HECTD4: variants seen among roughly 807,000 people sequenced by gnomAD.
HECTD4 encodes the protein probable E3 ubiquitin-protein ligase HECTD4.
Under a neutral mutation model 471.5 loss-of-function variants are expected in HECTD4, and 114 were observed. That is an observed-to-expected ratio of 0.24 (90% confidence interval 0.21 to 0.28). The LOEUF (loss-of-function observed/expected upper bound fraction) is 0.28, where lower values mean the gene tolerates loss of function less well. Among genes scored for constraint, HECTD4 ranks in the 10% least tolerant of loss-of-function variants. The pLI is 1.00. For missense variants in HECTD4, 3,866 were observed against 5,651.5 expected (o/e 0.68, Z 10.13); for synonymous variants, 2,012 against 2,256.0 (o/e 0.89, Z 3.07).
At chr12:112,378,585 C>T (rs1400522849) in intron 1 of HECTD4, among the ~76,000 whole-genome samples, 3 of 152,120 alleles carry the variant, frequency 2.0e-5, no homozygotes, top group Non-Finnish European at 4.4e-5. Context: ...AATTAGTCAA[C>T]TTGAGTCCCG....
intron 66 of HECTD4, among the ~76,000 whole-genome samples, chr12:112,175,316 A>C (rs2031397384): frequency 6.6e-6 from 1 of 152,224 alleles, no homozygotes. Flanking sequence ...GGAGATTAGG[A>C]CACAGGTAGG....
chr12:112,337,049 G>A (rs921994359), intron 1 of HECTD4, among the ~76,000 whole-genome samples: 4 of 152,142 alleles, frequency 2.6e-5, no homozygotes, highest in African/African-American at 4.8e-5. Context: ...AATCAGCAGC[G>A]TTTTAAAACA....
intron 62 of HECTD4, among the ~76,000 whole-genome samples, chr12:112,181,604 A>G (rs1298393153): frequency 2.0e-5 from 3 of 152,188 alleles, no homozygotes; most frequent in African/African-American, 7.2e-5. Flanking sequence ...CTGGGACTAC[A>G]GGCATACGCC....
intron 55 of HECTD4, among the ~76,000 whole-genome samples, chr12:112,195,306 C>T (rs867746186): frequency 1.3e-5 from 2 of 152,036 alleles, no homozygotes; most frequent in African/African-American, 2.4e-5. Context: ...AATACATGTC[C>T]GCACAAAAAT....
chr12:112,210,398 G>C, intron 49 of HECTD4, 146 bp from the exon 50 acceptor site: 1 of 786,880 alleles, frequency 1.3e-6, no homozygotes, highest in Non-Finnish European at 2.1e-6. Context: ...GGGGCTGGAG[G>C]GACTGAGCAC....
Position 112,192,887 on chromosome 12 carries a change from C to A in HECTD4, c.9087-122G>T, listed in dbSNP as rs188352267. 19 of 1,206,088 alleles carry A rather than the reference C, an allele frequency of 1.6e-5. No individual in the cohort carries two copies. The East Asian group carries it at 4.3e-4, about 27-fold the overall frequency. The allele number at this position is 1,206,088 out of a possible 1,614,324, so 74.7% of individuals were successfully genotyped here. On this transcript the variant is annotated intron_variant, in intron 58 of 75. Transcript: ENST00000682272. Reference sequence around the variant, plus strand: ...CTGGGCCCAAGTCATTTCCACCACACTTTGGAAGGTCATTCTTTATAGACT... The same window carrying A: ...CTGGGCCCAAGTCATTTCCACCACAATTTGGAAGGTCATTCTTTATAGACT...
chr12:112,298,912 G>A (rs1368458515), intron 7 of HECTD4, among the ~76,000 whole-genome samples: 3 of 151,576 alleles, frequency 2.0e-5, no homozygotes, highest in Non-Finnish European at 4.4e-5. Context: ...AAGTGCTGGG[G>A]TTACAGGCAT....
rs779694322 is a variant in HECTD4 at position 112,270,308 on chromosome 12, A to C, written c.2094T>G (p.Leu698=). 1.9e-6 allele frequency: 3 copies of C among 1,613,966 alleles called. No homozygotes were observed. Among genetic ancestry groups the C allele is most frequent in the South Asian group, 1.1e-5 (1 of 91,090 alleles). Residue 698 remains leucine, a synonymous_variant, in exon 12 of 76, where the codon CTT becomes CTG. Coordinates refer to ENST00000682272, the MANE Select transcript of HECTD4 (RefSeq NM_001388303.1). ...TCTCCATAATGTCACAAATACTGCTAAGATGATGTGCTTCAATTGGATGCT... is the reference window on the plus strand; with the variant it reads ...TCTCCATAATGTCACAAATACTGCTCAGATGATGTGCTTCAATTGGATGCT... The part of the protein sequence containing the change: ...GKQHPIEAHH[L]SSICDIMEKA...
chr12:112,164,058 C>A, intron 73 of HECTD4, 51 bp downstream of exon 73: 1 of 1,378,576 alleles, frequency 7.3e-7, no homozygotes, highest in Non-Finnish European at 9.4e-7. Context: ...CATACCCTGG[C>A]TGGCTGGCCG....
Position 112,204,553 on chromosome 12 carries a change from A to C in HECTD4, c.8202T>G (p.Leu2734=). 1 of 1,613,540 alleles carries C rather than the reference A, an allele frequency of 6.2e-7. No individual in the cohort carries two copies. The highest frequency in any genetic ancestry group is 1.1e-5 in the South Asian group (1 of 91,058). The change falls in exon 53 of 76, where the codon CTT becomes CTG. Residue 2734 remains leucine (L), a synonymous_variant. Coordinates refer to ENST00000682272, the MANE Select transcript of HECTD4 (RefSeq NM_001388303.1). ...TAATGTCTTCAATGGTGGGAAGATA[A>C]AGGTCTCTTGGGATGCCACCATTCT... The part of the protein sequence containing the change: ...YEENGGIPRD[L]YLPTIEDIKD...
intron 6 of HECTD4, among the ~76,000 whole-genome samples, chr12:112,307,443 C>T (rs1461211751): frequency 6.6e-6 from 1 of 152,176 alleles, no homozygotes; most frequent in Non-Finnish European, 1.5e-5. Flanking sequence ...GTTTCTGCAA[C>T]AACACTGAGG....
At chr12:112,282,150 A>G (rs934626274) in intron 8 of HECTD4, among the ~76,000 whole-genome samples, 1 of 152,126 alleles carries the variant, frequency 6.6e-6, no homozygotes, top group Non-Finnish European at 1.5e-5. Flanking sequence ...TTGGGAGGCC[A>G]AGGTGGGCGG....
At chr12:112,323,969 C>T (rs78997096) in intron 1 of HECTD4, among the ~76,000 whole-genome samples, 1,723 of 23,908 alleles carry the variant, frequency 0.072, 142 homozygotes, top group East Asian at 0.43. Context: ...TTTCTTTCTT[C>T]CTTCCTTCCT....
At position 112,228,925 on chromosome 12, in the gene HECTD4, A is replaced by G; in HGVS notation, c.6520-114T>C. Reference sequence around the variant, plus strand: ...TTGTCATTGTTGGCGTTACAGTAATAGTTTATACTACTAGGGTAGCAGATA... The same window carrying G: ...TTGTCATTGTTGGCGTTACAGTAATGGTTTATACTACTAGGGTAGCAGATA... On this transcript the variant is annotated intron_variant, in intron 41 of 75. Coordinates refer to ENST00000682272, the MANE Select transcript of HECTD4 (RefSeq NM_001388303.1). The surrounding 1 kb of genome is among the most constrained non-coding windows in gnomAD (Gnocchi z 4.9). 1 of 999,196 alleles carries G rather than the reference A, an allele frequency of 1.0e-6. No homozygotes were observed. The highest frequency in any genetic ancestry group is 1.5e-6 in the Non-Finnish European group (1 of 653,008). The allele number at this position is 999,196 out of a possible 1,614,324, so 61.9% of individuals were successfully genotyped here. A position where few individuals can be genotyped will look rare whatever the true frequency, so the allele number is the denominator to read the frequency against.
In HECTD4 at chr12:112,236,974, A is replaced by T; in HGVS notation, c.5415T>A (p.Asp1805Glu). 6.2e-7 allele frequency: 1 copy of T among 1,612,908 alleles called. No homozygotes were observed. The highest frequency in any genetic ancestry group is 8.5e-7 in the Non-Finnish European group (1 of 1,179,554). ...AGAGATCATTGAGAAGACTAAGGAC[A>T]TCCTGGAGCGCGTCATTCCCAGCAG... ...NQAAGNDALQ[D>E]VLSLLNDLSR... Residue 1805 changes from aspartate to glutamate, a missense_variant, in exon 35 of 76, where the codon GAT (aspartate) becomes GAA (glutamate). Physicochemically the swap from Asp to Glu is conservative, Grantham distance 45. Transcript: ENST00000682272.
In HECTD4 at chr12:112,213,721, AT is replaced by A. The variant is rs200562002; in HGVS notation, c.7466-1072del. On this transcript the variant is annotated intron_variant, in intron 48 of 75. Coordinates refer to ENST00000682272, the MANE Select transcript of HECTD4 (RefSeq NM_001388303.1). The surrounding 1 kb of genome is among the most constrained non-coding windows in gnomAD (Gnocchi z 4.0). Reference sequence around the variant, plus strand: ...ATACATATATATATATATATATATAATATATATATAAAATTTAAGGCCAGAC... The same window carrying A: ...ATACATATATATATATATATATATAAATATATATAAAATTTAAGGCCAGAC... 0.2 allele frequency among the ~76,000 whole-genome samples: 26,919 copies of A among 136,592 alleles called. 4,279 individuals are homozygous for A. The highest frequency in any genetic ancestry group is 0.84 in the East Asian group (4,198 of 4,984). 89.6% of individuals were successfully genotyped at this position (136,592 alleles called of 152,430 possible). A position where few individuals can be genotyped will look rare whatever the true frequency, so the allele number is the denominator to read the frequency against.
chr12:112,337,654 T>C (rs1819452167), intron 1 of HECTD4, among the ~76,000 whole-genome samples: 1 of 152,228 alleles, frequency 6.6e-6, no homozygotes, highest in South Asian at 2.1e-4. Context: ...ATAGTTATAA[T>C]GCATTATCTA....
chr12:112,322,331 A>C (rs2035600653), intron 1 of HECTD4: 1 of 152,192 alleles, frequency 6.6e-6, no homozygotes, highest in Non-Finnish European at 1.5e-5. Context: ...TGATGGCACC[A>C]GTGCACTCCA....
rs2030726601 is a variant in HECTD4, at chr12:112,162,472, T to C, written c.13172A>G (p.Lys4391Arg). The change falls in exon 76 of 76, where the codon AAG (lysine) becomes AGG (arginine). Residue 4391 changes from lysine to arginine, a missense_variant. Coordinates refer to ENST00000682272, the MANE Select transcript of HECTD4 (RefSeq NM_001388303.1). The surrounding 1 kb of genome is among the most constrained non-coding windows in gnomAD (Gnocchi z 5.2). The part of the protein sequence containing the change: ...IRVETCMFMI[K>R]LPQYSSLEIM... ...TTCCAGAGAGGAGTACTGGGGAAGC[T>C]TGATCATGAACATGCAGGTCTCCAC... is the stretch of plus-strand genomic sequence containing the variant. 6.2e-7 allele frequency: 1 copy of C among 1,613,964 alleles called. No individual in the cohort carries two copies. The highest frequency in any genetic ancestry group is 1.3e-5 in the African/African-American group (1 of 75,032).
Sources: gnomAD v4.1 joint callset for allele counts (sites outside exome capture counted in the v4.1 genomes callset) on GRCh38, gnomAD v4.1.1 for gene constraint, Gnocchi (gnomAD v3.1) non-coding constraint, MANE v1.5 for transcripts, NCBI Gene and HGNC (gene_info 2026-07-23, HGNC 2026-07-21) for gene names.